MYRFL: variants seen among roughly 807,000 people sequenced by gnomAD.
MYRFL encodes the protein myelin regulatory factor-like protein.
In MYRFL, 88 loss-of-function variants were observed where a neutral mutation model predicts 109.4. The ratio of observed to expected loss-of-function variants is 0.80; its 90% CI spans 0.68 to 0.96. The LOEUF is 0.96. MYRFL is among the 40% of genes least tolerant of loss of function. The pLI is 0.00. For missense variants in MYRFL, 957 were observed against 954.9 expected (o/e 1.00, Z -0.03); for synonymous variants, 324 against 320.9 (o/e 1.01, Z -0.10).
chr12:69,949,440 A>T (rs1001545570), intron 19 of MYRFL, among the ~76,000 whole-genome samples: 1 of 151,912 alleles, frequency 6.6e-6, no homozygotes, highest in Non-Finnish European at 1.5e-5. Flanking sequence ...GAGCCTAGCC[A>T]CTCCCTGGGC....
intron 1 of MYRFL, among the ~76,000 whole-genome samples, chr12:69,853,642 G>A (rs942942134): frequency 6.7e-6 from 1 of 148,780 alleles, no homozygotes; most frequent in African/African-American, 2.5e-5. Flanking sequence ...TGGGCGGCTG[G>A]GCAGAGGGGC....
At chr12:69,898,151 G>A (rs1358263151) in intron 10 of MYRFL, among the ~76,000 whole-genome samples, 1 of 152,226 alleles carries the variant, frequency 6.6e-6, no homozygotes. Flanking sequence ...GTTAACCTGA[G>A]GCCCTGAGGA....
chr12:69,930,816 A>G (rs1267178237), intron 15 of MYRFL, among the ~76,000 whole-genome samples: 1 of 81,794 alleles, frequency 1.2e-5, no homozygotes, highest in African/African-American at 3.9e-5. Flanking sequence ...TATCTAAGAA[A>G]AAAAAAAAAA....
intron 4 of MYRFL, 142 bp downstream of exon 4, chr12:69,879,595 G>A: frequency 1.7e-6 from 1 of 576,422 alleles, no homozygotes; most frequent in Non-Finnish European, 3.1e-6. Context: ...GACATCGCGA[G>A]GTCCCAGTGT....
chr12:69,854,443 G>T (rs1253079247), intron 1 of MYRFL, among the ~76,000 whole-genome samples: 2 of 152,086 alleles, frequency 1.3e-5, no homozygotes, highest in African/African-American at 4.8e-5. Context: ...GAGTGCAGTG[G>T]TGTGATCTCG....
intron 19 of MYRFL, among the ~76,000 whole-genome samples, chr12:69,943,320 G>A (rs1490392816): frequency 3.4e-5 from 5 of 149,134 alleles, no homozygotes; most frequent in Middle Eastern, 3.3e-3. Flanking sequence ...GCATGGTACT[G>A]GTACCAAAAC....
At chr12:69,883,198 C>A (rs1886238585) in intron 5 of MYRFL, among the ~76,000 whole-genome samples, 1 of 152,096 alleles carries the variant, frequency 6.6e-6, no homozygotes, top group Non-Finnish European at 1.5e-5. Context: ...TGACACTGGG[C>A]AAGTTATTTC....
chr12:69,936,911 A>G (rs1215530170), intron 19 of MYRFL, among the ~76,000 whole-genome samples: 2 of 152,240 alleles, frequency 1.3e-5, no homozygotes, highest in African/African-American at 4.8e-5. Flanking sequence ...ATAGTAGCAC[A>G]AGCGAAGTAA....
chr12:69,957,794 T>G, intron 22 of MYRFL, 28 bp from the exon 23 acceptor site: 1 of 1,507,346 alleles, frequency 6.6e-7, no homozygotes, highest in South Asian at 1.2e-5. Flanking sequence ...CTTTTTCAGG[T>G]GCTCTTTCTT....
chr12:69,887,834 C>T (rs1886553090), intron 6 of MYRFL, among the ~76,000 whole-genome samples: 1 of 152,094 alleles, frequency 6.6e-6, no homozygotes, highest in Admixed American at 6.5e-5. Flanking sequence ...AAGCTCATTG[C>T]TCATTGTATC....
chr12:69,879,517 G>A (rs540484304), intron 4 of MYRFL, 64 bp downstream of exon 4: 74 of 656,678 alleles, frequency 1.1e-4, no homozygotes, highest in African/African-American at 9.9e-4. Flanking sequence ...GCCTGCCTCT[G>A]GCAGGCACCT....
intron 7 of MYRFL, 137 bp from the exon 8 acceptor site, chr12:69,893,627 G>A (rs759500072): frequency 5.9e-6 from 2 of 341,428 alleles, no homozygotes; most frequent in Non-Finnish European, 5.1e-6. Context: ...TGTCTTATGT[G>A]TCTTTTCAGT....
intron 1 of MYRFL, among the ~76,000 whole-genome samples, chr12:69,840,898 TTACTC>T (rs1188528735): frequency 2.0e-5 from 3 of 152,236 alleles, no homozygotes; most frequent in Non-Finnish European, 4.4e-5. Flanking sequence ...CTTGAACTAT[TTACTC>T]AAGTTGAATA....
At chr12:69,875,762 A>G (rs1437703871) in intron 2 of MYRFL, among the ~76,000 whole-genome samples, 1 of 152,182 alleles carries the variant, frequency 6.6e-6, no homozygotes, top group African/African-American at 2.4e-5. Flanking sequence ...GAGATGGAGC[A>G]GTTTCATCCC....
chr12:69,928,984 A>T (rs1955186401), intron 15 of MYRFL, among the ~76,000 whole-genome samples: 1 of 152,190 alleles, frequency 6.6e-6, no homozygotes, highest in Non-Finnish European at 1.5e-5. Context: ...GTTATCTCAG[A>T]ATATTAACTA....
rs180757853 is a variant in MYRFL, at chr12:69,841,784, A to T, written c.47-13496A>T. Among the ~76,000 whole-genome samples the T allele has an allele frequency of 1.6e-3, 251 of 152,210 alleles. 2 individuals carry two copies. The highest frequency in any genetic ancestry group is 3.2e-3 in the Non-Finnish European group (215 of 68,016). On this transcript the variant is annotated intron_variant, in intron 1 of 24. Coordinates refer to ENST00000552032, the MANE Select transcript of MYRFL (RefSeq NM_182530.3). ...TCTGTTGTCACATTATCTTGCTATG[A>T]TATGTTTTTATGTCAGTTTTTCTTA...
chr12:69,862,966 T>C (rs1204745675), intron 2 of MYRFL, among the ~76,000 whole-genome samples: 3 of 152,118 alleles, frequency 2.0e-5, no homozygotes, highest in Non-Finnish European at 4.4e-5. Flanking sequence ...TGAAGGGTTG[T>C]TGAATTTTGT....
At chr12:69,921,325 G>T (rs1954904264) in intron 13 of MYRFL, among the ~76,000 whole-genome samples, 1 of 152,148 alleles carries the variant, frequency 6.6e-6, no homozygotes. Flanking sequence ...TTACAAGTGT[G>T]AGCTAATGTG....
intron 13 of MYRFL, among the ~76,000 whole-genome samples, chr12:69,920,543 T>C (rs1954878837): frequency 6.6e-6 from 1 of 151,858 alleles, no homozygotes; most frequent in Admixed American, 6.6e-5. Flanking sequence ...GTGGCAACTA[T>C]GGATGAAATA....
Sources: allele counts gnomAD v4.1 joint callset (sites outside exome capture counted in the v4.1 genomes callset), GRCh38; gene constraint gnomAD v4.1.1; transcripts MANE v1.5; gene names NCBI Gene and HGNC (gene_info 2026-07-23, HGNC 2026-07-21).